GPSM1: variants seen among roughly 807,000 people sequenced by gnomAD.
The protein encoded by GPSM1 is G protein-signaling modulator 1.
In GPSM1, 48 loss-of-function variants were observed where a neutral mutation model predicts 70.5. That is an observed-to-expected ratio of 0.68 (90% CI 0.54 to 0.87). The LOEUF is 0.87. Among genes scored for constraint, GPSM1 ranks in the 40% least tolerant of loss-of-function variants. The pLI, the probability that GPSM1 is intolerant of heterozygous loss-of-function variation, is 0.00. For missense variants in GPSM1, 981 were observed against 972.6 expected, an observed-to-expected ratio of 1.01 and a Z score of -0.11; for synonymous variants, 416 against 430.1, an observed-to-expected ratio of 0.97 and a Z score of 0.41.
chr9:136,333,393 G>A (rs1554768745), intron 1 of GPSM1, among the ~76,000 whole-genome samples: 1 of 151,812 alleles, frequency 6.6e-6, no homozygotes, highest in Non-Finnish European at 1.5e-5. Flanking sequence ...CAGCAGGGAG[G>A]TGCGGAGCCG....
Position 136,343,740 on chromosome 9 carries a change from A to T in GPSM1, c.1207+2747A>T, listed in dbSNP as rs1041453360. Among the ~76,000 whole-genome samples, 6 of 152,184 alleles carry T rather than the reference A, an allele frequency of 3.9e-5. No homozygotes were observed. Among genetic ancestry groups the T allele is most frequent in the Admixed American group, 2.0e-4 (3 of 15,280 alleles). ...GGGAACAGAGCTTGGCAGGGGTGAGAGGCCAGCGAGCCTGAGGGCCCGTAA... is the reference window on the plus strand; with the variant it reads ...GGGAACAGAGCTTGGCAGGGGTGAGTGGCCAGCGAGCCTGAGGGCCCGTAA... On this transcript the variant is annotated intron_variant, in intron 9 of 13. Transcript: ENST00000440944. The surrounding 1 kb of genome is among the most constrained non-coding windows in gnomAD (Gnocchi z 6.0).
At chr9:136,353,723 C>A (rs568355122) in intron 11 of GPSM1, among the ~76,000 whole-genome samples, 2 of 152,242 alleles carry the variant, frequency 1.3e-5, no homozygotes, top group Admixed American at 1.3e-4. Flanking sequence ...TCCACCTGGG[C>A]CCCGGGTCAC....
At chr9:136,335,338 C>T (rs1407963437) in intron 2 of GPSM1, among the ~76,000 whole-genome samples, 1 of 152,276 alleles carries the variant, frequency 6.6e-6, no homozygotes, top group Admixed American at 6.5e-5. Context: ...CCAACCTACT[C>T]CCCGCCGCCC....
intron 10 of GPSM1, 41 bp from the exon 11 acceptor site, chr9:136,349,546 T>C: frequency 1.3e-6 from 2 of 1,524,812 alleles, no homozygotes; most frequent in Non-Finnish European, 1.8e-6. Flanking sequence ...GGACATTGGT[T>C]CACAATTGCC....
At position 136,352,985 on chromosome 9, in the gene GPSM1, G is replaced by A. The variant is rs977071661; in HGVS notation, c.1456-2705G>A. On this transcript the variant is annotated intron_variant, in intron 11 of 13. Coordinates refer to ENST00000440944, the MANE Select transcript of GPSM1 (RefSeq NM_001145638.3). ...AGCAGGGGCGGGCGCTAGGAGGGCCGAGCCCTTGCCCAGGGTCCTATTTAA... is the reference window on the plus strand; with the variant it reads ...AGCAGGGGCGGGCGCTAGGAGGGCCAAGCCCTTGCCCAGGGTCCTATTTAA... 23 of 578,454 alleles carry A rather than the reference G, an allele frequency of 4.0e-5. No individual in the cohort carries two copies. The Admixed American group carries it at 9.5e-4, about 24-fold the overall frequency. 35.8% of individuals were successfully genotyped at this position (578,454 alleles called of 1,614,324 possible). A position where few individuals can be genotyped will look rare whatever the true frequency, so the allele number is the denominator to read the frequency against.
rs1832936345 is a variant in GPSM1, at chr9:136,359,385, G to A, written c.*1165G>A. The A allele has an allele frequency of 1.3e-5, 2 of 152,310 alleles. No individual in the cohort carries two copies. Among genetic ancestry groups the A allele is most frequent in the East Asian group, 1.9e-4 (1 of 5,186 alleles). 9.4% of individuals were successfully genotyped at this position (152,310 alleles called of 1,614,324 possible). A position where few individuals can be genotyped will look rare whatever the true frequency, so the allele number is the denominator to read the frequency against. On this transcript the variant is annotated 3_prime_UTR_variant, in exon 14 of 14. Coordinates refer to ENST00000440944, the MANE Select transcript of GPSM1 (RefSeq NM_001145638.3). ...AGGATGGAGAGGCAGATCTGGGCCTGGTGAGGTGACCTGCTTCTGGAGGGG... is the reference window on the plus strand; with the variant it reads ...AGGATGGAGAGGCAGATCTGGGCCTAGTGAGGTGACCTGCTTCTGGAGGGG...
intron 9 of GPSM1, among the ~76,000 whole-genome samples, chr9:136,345,373 AG>A (rs1301551025): frequency 1.3e-5 from 2 of 152,220 alleles, no homozygotes; most frequent in Non-Finnish European, 2.9e-5. Context: ...TGGGCAGCTC[AG>A]CCAAGGGCGC....
At chr9:136,338,905 G>A (rs188711005) in intron 7 of GPSM1, among the ~76,000 whole-genome samples, 195 bp downstream of exon 7, 6 of 152,300 alleles carry the variant, frequency 3.9e-5, no homozygotes, top group Non-Finnish European at 5.9e-5. Flanking sequence ...TGGCACAAGC[G>A]GGTGGGGTCC....
intron 13 of GPSM1, among the ~76,000 whole-genome samples, chr9:136,356,818 C>T (rs1385814680): frequency 6.6e-6 from 1 of 152,210 alleles, no homozygotes; most frequent in Non-Finnish European, 1.5e-5. Flanking sequence ...CACCCCCCTG[C>T]CATGCAGGAA....
chr9:136,334,766 T>C, intron 2 of GPSM1, 98 bp downstream of exon 2: 2 of 980,730 alleles, frequency 2.0e-6, no homozygotes, highest in Non-Finnish European at 3.0e-6. Context: ...GCGGCCCTGC[T>C]GGCGCGGTGA....
In GPSM1 at chr9:136,347,667, G is replaced by A. The variant is rs374160540; in HGVS notation, c.1208-1030G>A. On this transcript the variant is annotated intron_variant, in intron 9 of 13. Transcript: ENST00000440944. ...GACCCTGGCTCTCAGCCACAGCATCGGGCCCTTCCCACAGGGCTTCCTGCC... is the reference window on the plus strand; with the variant it reads ...GACCCTGGCTCTCAGCCACAGCATCAGGCCCTTCCCACAGGGCTTCCTGCC... Among the ~76,000 whole-genome samples the A allele has an allele frequency of 1.1e-4, 17 of 152,260 alleles. No individual in the cohort carries two copies. The East Asian group carries it at 1.4e-3, about 12-fold the overall frequency.
Position 136,337,590 on chromosome 9 carries a change from G to A in GPSM1, c.702+26G>A, listed in dbSNP as rs553178195. The A allele has an allele frequency of 1.2e-5, 18 of 1,548,664 alleles. No homozygotes were observed. In the South Asian group the frequency reaches 1.8e-4, roughly 15 times the overall value. ...GTGAGCCGGGCAGGGTGACAGGGTG[G>A]AGGGGCCGGGCTGCTGCAGGGGCAG... On this transcript the variant is annotated intron_variant, in intron 5 of 13. Coordinates refer to ENST00000440944, the MANE Select transcript of GPSM1 (RefSeq NM_001145638.3).
Position 136,341,314 on chromosome 9 carries a change from C to T in GPSM1, c.1207+321C>T. On this transcript the variant is annotated intron_variant, in intron 9 of 13. Coordinates refer to ENST00000440944, the MANE Select transcript of GPSM1 (RefSeq NM_001145638.3). The surrounding 1 kb of genome is among the most constrained non-coding windows in gnomAD (Gnocchi z 6.7). ...CCCTCGGTGCAGGGAGGGCTTCTGT[C>T]CTCAGACCCAAGTAGGAGAGGGCTG... is the stretch of plus-strand genomic sequence containing the variant. 3 of 1,445,082 alleles carry T rather than the reference C, an allele frequency of 2.1e-6. No homozygotes were observed. Among genetic ancestry groups the T allele is most frequent in the Non-Finnish European group, 2.7e-6 (3 of 1,102,630 alleles). 89.5% of individuals were successfully genotyped at this position (1,445,082 alleles called of 1,614,324 possible).
chr9:136,335,736 G>A (rs1460802057), intron 2 of GPSM1, among the ~76,000 whole-genome samples: 2 of 152,144 alleles, frequency 1.3e-5, no homozygotes, highest in South Asian at 4.1e-4. Context: ...TGATGGGCAG[G>A]AGCCTGTGCC....
chr9:136,358,278 G>A lies in GPSM1; in HGVS notation c.*58G>A. The A allele has an allele frequency of 7.1e-7, 1 of 1,409,744 alleles. No individual in the cohort carries two copies. The highest frequency in any genetic ancestry group is 9.6e-7 in the Non-Finnish European group (1 of 1,036,416). 87.3% of individuals were successfully genotyped at this position (1,409,744 alleles called of 1,614,324 possible). ...CCCACTCCTGGACGCCGGTCTCACA[G>A]TCACAGCCACGTCCTCCCGAGGCCA... On this transcript the variant is annotated 3_prime_UTR_variant, in exon 14 of 14. Transcript: ENST00000440944.
intron 10 of GPSM1, 111 bp from the exon 11 acceptor site, chr9:136,349,476 C>A: frequency 2.1e-6 from 2 of 964,384 alleles, no homozygotes; most frequent in Non-Finnish European, 3.1e-6. Context: ...TACTGGGCAC[C>A]TACGGCGTGC....
At chr9:136,330,725 G>A (rs374295051) in intron 1 of GPSM1, among the ~76,000 whole-genome samples, 84 of 152,316 alleles carry the variant, frequency 5.5e-4, no homozygotes, top group African/African-American at 1.2e-3. Context: ...AATTCTGTTA[G>A]CAGGGCTGGG....
intron 3 of GPSM1, among the ~76,000 whole-genome samples, chr9:136,336,414 G>A (rs1554769254): frequency 6.6e-6 from 1 of 152,224 alleles, no homozygotes; most frequent in East Asian, 1.9e-4. Context: ...GCGGGAGGCA[G>A]GGGGTGGCTC....
Position 136,342,847 on chromosome 9 carries a change from GGGGTGTGGGCAGGGAGGA to G in GPSM1, c.1207+1857_1207+1874del, listed in dbSNP as rs1832427651. On this transcript the variant is annotated intron_variant, in intron 9 of 13. Transcript: ENST00000440944. This position sits in a 1 kb window ranked among gnomAD's most constrained non-coding sequence, Gnocchi z 5.5. The stretch of plus-strand genomic sequence containing the variant: ...GGGGCACAGGAGGGCGCTGCCCAGC[GGGGTGTGGGCAGGGAGGA>G]GGAAGTCGTCTGGAGGTGGGGCTTC... 6.6e-6 allele frequency among the ~76,000 whole-genome samples: 1 copy of G among 152,060 alleles called. No homozygotes were observed. The highest frequency in any genetic ancestry group is 2.4e-5 in the African/African-American group (1 of 41,402).
Sources: allele counts gnomAD v4.1 joint callset (sites outside exome capture counted in the v4.1 genomes callset), GRCh38; gene constraint gnomAD v4.1.1; non-coding constraint Gnocchi (gnomAD v3.1); transcripts MANE v1.5; gene names NCBI Gene and HGNC (gene_info 2026-07-23, HGNC 2026-07-21).